The following TMEM67 variants were observed in gnomAD, a reference collection of about 807,000 sequenced individuals.
TMEM67 encodes the protein meckelin.
A neutral mutation model predicts 136.6 loss-of-function variants in TMEM67; 124 were observed. The ratio of observed to expected loss-of-function variants is 0.91; its 90% CI spans 0.78 to 1.05. The LOEUF is 1.05. Ranked by LOEUF, TMEM67 falls within the 50% of genes least tolerant of loss-of-function variation. The probability of loss-of-function intolerance (pLI) is 0.00; values close to 1 mark genes in which losing one functional copy is unlikely to be tolerated. For missense variants in TMEM67, 1,107 were observed against 1,178.4 expected, an observed-to-expected ratio of 0.94 and a Z score of 0.89; for synonymous variants, 364 against 390.5, an observed-to-expected ratio of 0.93 and a Z score of 0.80.
At chr8:93,804,631 C>G (rs1410991610) in intron 22 of TMEM67, 131 bp from the exon 23 acceptor site, 4 of 576,360 alleles carry the variant, frequency 6.9e-6, no homozygotes, top group Non-Finnish European at 1.2e-5. Flanking sequence ...ACTTTATTAT[C>G]CTCTTTATAT....
rs550946261 is a variant in TMEM67, at chr8:93,786,457, G to C, written c.1412+111G>C. On this transcript the variant is annotated intron_variant, in intron 13 of 27. Coordinates refer to ENST00000453321, the MANE Select transcript of TMEM67 (RefSeq NM_153704.6). ...ACAACTGAATTGGAACAGTTGGTCG[G>C]GTTATTTTAGGTGTATGTGTAGATT... The C allele has an allele frequency of 6.6e-6, 8 of 1,215,070 alleles. No homozygotes were observed. In the African/African-American group the frequency reaches 7.5e-5, roughly 11 times the overall value. The allele number at this position is 1,215,070 out of a possible 1,614,324, so 75.3% of individuals were successfully genotyped here.
intron 23 of TMEM67, among the ~76,000 whole-genome samples, chr8:93,807,134 A>C (rs1005658233): frequency 6.6e-5 from 10 of 152,116 alleles, no homozygotes; most frequent in African/African-American, 2.4e-4. Context: ...GCTAATACTT[A>C]ATAGCATCAA....
intron 19 of TMEM67, 35 bp downstream of exon 19, chr8:93,797,268 T>C: frequency 1.2e-6 from 2 of 1,612,620 alleles, no homozygotes; most frequent in Non-Finnish European, 1.7e-6. Context: ...ACCAAAATTC[T>C]TTTGCTACCC....
At chr8:93,764,318 T>C (rs528563880) in intron 4 of TMEM67, among the ~76,000 whole-genome samples, 58 of 152,312 alleles carry the variant, frequency 3.8e-4, no homozygotes, top group African/African-American at 1.4e-3. Context: ...TATTTTTGTT[T>C]GTTGTTACAT....
downstream of TMEM67, among the ~76,000 whole-genome samples, chr8:93,821,157 C>T (rs1458096517): frequency 6.6e-6 from 1 of 152,122 alleles, no homozygotes; most frequent in Non-Finnish European, 1.5e-5. Context: ...AAATGCATAC[C>T]TCTATGTCAC....
rs767943945 is a variant in TMEM67, at chr8:93,799,729, G to T, written c.2212G>T (p.Ala738Ser). The change falls in exon 21 of 28, where the codon GCT (alanine) becomes TCT (serine). Residue 738 changes from alanine (A) to serine (S), a missense_variant. Around this residue, in one of 3 missense-constraint regions of TMEM67, gnomAD observed 925 missense variants for 1,002.4 expected, o/e 0.92. Transcript: ENST00000453321. ...CATTTTGAGATATGCAGTGTCTGCT[G>T]CTCTTTGGCTAGCCATTGGAATTAT... ...SCILRYAVSA[A>S]LWLAIGIIQV... 2.5e-6 allele frequency: 4 copies of T among 1,613,738 alleles called. No individual in the cohort carries two copies. Among genetic ancestry groups the T allele is most frequent in the Non-Finnish European group, 3.4e-6 (4 of 1,179,846 alleles).
rs1812517485 is a variant in TMEM67 at position 93,755,253 on chromosome 8, C to A, written c.223+116C>A. On this transcript the variant is annotated intron_variant, in intron 1 of 27. Coordinates refer to ENST00000453321, the MANE Select transcript of TMEM67 (RefSeq NM_153704.6). ...CAGGCTAGTCTCGAACTTCTGACCT[C>A]AGGTGATCCACCCGCCTCCGCCTCC... 4.7e-6 allele frequency: 5 copies of A among 1,052,906 alleles called. No homozygotes were observed. The South Asian group carries it at 5.1e-5, about 11-fold the overall frequency. The allele number at this position is 1,052,906 out of a possible 1,614,324, so 65.2% of individuals were successfully genotyped here. A position where few individuals can be genotyped will look rare whatever the true frequency, so the allele number is the denominator to read the frequency against.
Position 93,777,387 on chromosome 8 carries a change from C to A in TMEM67, c.715-3206C>A, listed in dbSNP as rs567348833. ...TCTGGTCTTAGTTATTTCCTGCCTT[C>A]TGCTCTCTTTTGAATTTGTTTGCTC... On this transcript the variant is annotated intron_variant, in intron 7 of 27. Transcript: ENST00000453321. Among the ~76,000 whole-genome samples, 6 of 152,280 alleles carry A rather than the reference C, an allele frequency of 3.9e-5. No individual in the cohort carries two copies. The East Asian group carries it at 1.2e-3, about 29-fold the overall frequency.
intron 17 of TMEM67, 26 bp from the exon 18 acceptor site, chr8:93,795,875 A>G: frequency 1.3e-6 from 2 of 1,495,584 alleles, no homozygotes; most frequent in Non-Finnish European, 1.9e-6. Context: ...GTGTGATAAT[A>G]TTTAATCAAG....
chr8:93,823,897 T>C (rs945503015), downstream of TMEM67, among the ~76,000 whole-genome samples: 1 of 152,134 alleles, frequency 6.6e-6, no homozygotes, highest in Admixed American at 6.5e-5. Context: ...TCTCATTTTT[T>C]AGAGCCTCTC....
At chr8:93,805,303 G>A (rs1279367467) in intron 23 of TMEM67, among the ~76,000 whole-genome samples, 1 of 152,070 alleles carries the variant, frequency 6.6e-6, no homozygotes, top group East Asian at 1.9e-4. Flanking sequence ...GCTAAGGACT[G>A]CCAGGCATGG....
chr8:93,755,762 T>C lies in TMEM67; in HGVS notation c.224-16T>C. On this transcript the variant is annotated splice_polypyrimidine_tract_variant and intron_variant, in intron 1 of 27. Coordinates refer to ENST00000453321, the MANE Select transcript of TMEM67 (RefSeq NM_153704.6). ...AAGGATAAAATTGGCTTTTTTTTTT[T>C]TTTTTTTTTTTTTAGGAACTTCATG... 1 of 1,343,924 alleles carries C rather than the reference T, an allele frequency of 7.4e-7. No homozygotes were observed. Among genetic ancestry groups the C allele is most frequent in the Admixed American group, 2.5e-5 (1 of 40,486 alleles). 83.2% of individuals were successfully genotyped at this position (1,343,924 alleles called of 1,614,324 possible).
At chr8:93,775,898 T>G (rs1278352203) in intron 7 of TMEM67, among the ~76,000 whole-genome samples, 2 of 152,174 alleles carry the variant, frequency 1.3e-5, no homozygotes, top group East Asian at 3.8e-4. Flanking sequence ...AGAAAGTCAT[T>G]GGTAGCTTGA....
chr8:93,810,033 A>C (rs894732660), intron 26 of TMEM67, 146 bp downstream of exon 26: 2 of 512,608 alleles, frequency 3.9e-6, no homozygotes, highest in Admixed American at 3.7e-5. Flanking sequence ...CAGTGGCACG[A>C]TCTCAGCTTA....
At chr8:93,771,845 T>C (rs1460900378) in intron 6 of TMEM67, among the ~76,000 whole-genome samples, 6 of 152,254 alleles carry the variant, frequency 3.9e-5, no homozygotes, top group Admixed American at 1.3e-4. Context: ...TTATTAAATA[T>C]ACACAAATAG....
Position 93,808,770 on chromosome 8 carries a change from C to G in TMEM67, c.2440-70C>G, listed in dbSNP as rs563571817. ...ATGTGATAACAGCTAAAAAAAAGTT[C>G]TGTATTTTCTTTTTGAGGCAGGAAA... On this transcript the variant is annotated intron_variant, in intron 23 of 27. Transcript: ENST00000453321. The G allele has an allele frequency of 2.4e-5, 23 of 945,856 alleles. No individual in the cohort carries two copies. The East Asian group carries it at 4.6e-4, about 19-fold the overall frequency. The allele number at this position is 945,856 out of a possible 1,614,324, so 58.6% of individuals were successfully genotyped here.
Position 93,787,114 on chromosome 8 carries a change from T to C in TMEM67, c.1413-730T>C, listed in dbSNP as rs1267439097. Among the ~76,000 whole-genome samples, 3 of 152,228 alleles carry C rather than the reference T, an allele frequency of 2.0e-5. No homozygotes were observed. The South Asian group carries it at 6.2e-4, about 32-fold the overall frequency. On this transcript the variant is annotated intron_variant, in intron 13 of 27. Coordinates refer to ENST00000453321, the MANE Select transcript of TMEM67 (RefSeq NM_153704.6). Reference sequence around the variant, plus strand: ...TGAAAATGCACCTAGTCAGACTTGATGTGTTCTTGATGAAACCATGCTGGC... The same window carrying C: ...TGAAAATGCACCTAGTCAGACTTGACGTGTTCTTGATGAAACCATGCTGGC...
intron 11 of TMEM67, among the ~76,000 whole-genome samples, chr8:93,784,476 C>T (rs1814003860): frequency 1.3e-5 from 2 of 152,188 alleles, no homozygotes; most frequent in Admixed American, 1.3e-4. Flanking sequence ...TTGAACCTGG[C>T]TAACTCTCAA....
chr8:93,823,080 T>C (rs1809063416), downstream of TMEM67, among the ~76,000 whole-genome samples: 1 of 152,236 alleles, frequency 6.6e-6, no homozygotes, highest in African/African-American at 2.4e-5. Flanking sequence ...AGTACTGTGT[T>C]CTTATCCTAT....
Sources: allele counts gnomAD v4.1 joint callset (sites outside exome capture counted in the v4.1 genomes callset), GRCh38; gene constraint gnomAD v4.1.1; regional missense constraint gnomAD v4.1.1; transcripts MANE v1.5; gene names NCBI Gene and HGNC (gene_info 2026-07-23, HGNC 2026-07-21).